MTUS2: variants seen among roughly 807,000 people sequenced by gnomAD.
MTUS2 encodes the protein microtubule-associated tumor suppressor candidate 2.
A neutral mutation model predicts 114.1 loss-of-function variants in MTUS2; 40 were observed. The observed-to-expected ratio is 0.35, with a 90% CI of 0.27 to 0.46. The LOEUF is 0.46. MTUS2 is among the 20% of genes least tolerant of loss of function. The pLI is 1.00. For synonymous variants in MTUS2, 688 were observed against 672.0 expected, an observed-to-expected ratio of 1.02 and a Z score of -0.37; for missense variants, 1,679 against 1,705.4, an observed-to-expected ratio of 0.98 and a Z score of 0.27.
At chr13:29,131,814 A>G (rs1340415825) in intron 5 of MTUS2, among the ~76,000 whole-genome samples, 1 of 152,216 alleles carries the variant, frequency 6.6e-6, no homozygotes, top group Admixed American at 6.5e-5. Context: ...TTTGGAAAAC[A>G]CCAGTTTGTT....
intron 5 of MTUS2, among the ~76,000 whole-genome samples, chr13:29,189,447 T>C (rs914406234): frequency 6.6e-6 from 1 of 152,130 alleles, no homozygotes. Flanking sequence ...ATTAGGGCTG[T>C]AAAGCTATCT....
chr13:29,176,813 C>T (rs1316595154), intron 5 of MTUS2, among the ~76,000 whole-genome samples: 2 of 150,886 alleles, frequency 1.3e-5, no homozygotes, highest in Admixed American at 6.6e-5. Context: ...CTTCGTGAGG[C>T]TTGGCCATCT....
chr13:29,157,021 C>A (rs1434162839), intron 5 of MTUS2, among the ~76,000 whole-genome samples: 7 of 152,198 alleles, frequency 4.6e-5, no homozygotes, highest in African/African-American at 1.7e-4. Flanking sequence ...TCTCCTGTAA[C>A]TCGTTCAACA....
At chr13:29,340,585 C>T (rs143739051) in intron 7 of MTUS2, among the ~76,000 whole-genome samples, 4 of 152,124 alleles carry the variant, frequency 2.6e-5, no homozygotes. Flanking sequence ...TTCCAGCCTT[C>T]GTACATTCAT....
chr13:29,278,646 G>A (rs886426868), intron 5 of MTUS2, among the ~76,000 whole-genome samples: 1 of 152,160 alleles, frequency 6.6e-6, no homozygotes, highest in Non-Finnish European at 1.5e-5. Flanking sequence ...AATGTGAATC[G>A]CAACAAGCAA....
At chr13:29,088,233 ACC>A (rs1292388196) in intron 4 of MTUS2, among the ~76,000 whole-genome samples, 1 of 152,142 alleles carries the variant, frequency 6.6e-6, no homozygotes, top group Non-Finnish European at 1.5e-5. Context: ...TTTATTTTTT[ACC>A]CAAGTCATTC....
intron 8 of MTUS2, among the ~76,000 whole-genome samples, chr13:29,380,559 C>T (rs1000442824): frequency 9.2e-5 from 14 of 152,168 alleles, no homozygotes; most frequent in African/African-American, 2.9e-4. Context: ...AATTGTTCAG[C>T]TAGAAGAAGG....
chr13:28,990,269 G>A lies in MTUS2; in HGVS notation c.-242-34188G>A, dbSNP rs1168534853. Among the ~76,000 whole-genome samples, 8 of 152,312 alleles carry A rather than the reference G, an allele frequency of 5.3e-5. No homozygotes were observed. The South Asian group carries it at 1.2e-3, about 24-fold the overall frequency. On this transcript the variant is annotated intron_variant, in intron 2 of 15. Transcript: ENST00000612955. ...ATTAGGGACAGAGTCTATGTGAGAGGATGGGGGATGGTATTGGCAAGTTCA... is the reference window on the plus strand; with the variant it reads ...ATTAGGGACAGAGTCTATGTGAGAGAATGGGGGATGGTATTGGCAAGTTCA...
chr13:29,035,685 G>A (rs1887028271), intron 4 of MTUS2, among the ~76,000 whole-genome samples: 1 of 151,976 alleles, frequency 6.6e-6, no homozygotes, highest in African/African-American at 2.4e-5. Context: ...TTTCACAAGA[G>A]ACTTAGATGG....
chr13:28,860,215 A>G (rs1472177750), intron 2 of MTUS2, among the ~76,000 whole-genome samples: 1 of 152,120 alleles, frequency 6.6e-6, no homozygotes, highest in Non-Finnish European at 1.5e-5. Context: ...TTTTTTCCTG[A>G]TAACTATTTT....
chr13:29,393,214 T>G (rs1165972890), intron 8 of MTUS2, among the ~76,000 whole-genome samples: 1 of 152,214 alleles, frequency 6.6e-6, no homozygotes, highest in Non-Finnish European at 1.5e-5. Flanking sequence ...CTACTGATTC[T>G]TAGGGTTCGC....
chr13:29,097,382 A>G (rs1890221844), intron 4 of MTUS2, among the ~76,000 whole-genome samples: 1 of 152,066 alleles, frequency 6.6e-6, no homozygotes, highest in South Asian at 2.1e-4. Context: ...GCCTCATGTC[A>G]CCATTTTGGA....
chr13:28,985,545 C>T (rs1047933252), intron 2 of MTUS2, among the ~76,000 whole-genome samples: 16 of 148,564 alleles, frequency 1.1e-4, no homozygotes, highest in East Asian at 9.8e-4. Context: ...TTTTAGCAAT[C>T]GAAGAAATGG....
intron 2 of MTUS2, among the ~76,000 whole-genome samples, chr13:28,904,987 T>G (rs1879896089): frequency 6.6e-6 from 1 of 151,462 alleles, no homozygotes; most frequent in Admixed American, 6.6e-5. Flanking sequence ...GTAAGTTGGA[T>G]TCGTAGGTAT....
Position 29,480,243 on chromosome 13 carries a change from A to C in MTUS2, c.3278A>C (p.Gln1093Pro). The C allele has an allele frequency of 6.4e-7, 1 of 1,553,290 alleles. No homozygotes were observed. The highest frequency in any genetic ancestry group is 8.7e-7 in the Non-Finnish European group (1 of 1,148,082). ...EDEVKRLGWQ[Q>P]QAELQELEER... ...GAGGTGAAGAGGCTGGGCTGGCAGC[A>C]GCAGGCCGAGCTCCAGGAGCTGGAG... is the stretch of plus-strand genomic sequence containing the variant. The change falls in exon 10 of 16, where the codon CAG becomes CCG. Residue 1093 changes from glutamine to proline, a missense_variant. This residue lies in a region of MTUS2 where 822 missense variants were observed against 899.7 expected (regional missense o/e 0.91). Coordinates refer to ENST00000612955, the MANE Select transcript of MTUS2 (RefSeq NM_001033602.4). This position sits in a 1 kb window ranked among gnomAD's most constrained non-coding sequence, Gnocchi z 4.4.
intron 2 of MTUS2, among the ~76,000 whole-genome samples, chr13:28,848,018 C>T (rs190330637): frequency 5.3e-5 from 8 of 152,268 alleles, no homozygotes; most frequent in Admixed American, 1.3e-4. Context: ...GATAATGCCC[C>T]GATTTCTTAG....
chr13:29,375,529 ATATATATACGTG>A lies in MTUS2; in HGVS notation c.3117+16065_3117+16076del, dbSNP rs1871547836. ...GCACCAGCCTACTATATATATATATATATATATACGTGTATATATATATATATACGTATATAT... is the reference window on the plus strand; with the variant it reads ...GCACCAGCCTACTATATATATATATATATATATATATATATACGTATATAT... On this transcript the variant is annotated intron_variant, in intron 8 of 15. Coordinates refer to ENST00000612955, the MANE Select transcript of MTUS2 (RefSeq NM_001033602.4). Among the ~76,000 whole-genome samples the A allele has an allele frequency of 1.1e-3, 7 of 6,498 alleles. 2 individuals carry two copies. Among genetic ancestry groups the A allele is most frequent in the Non-Finnish European group, 2.1e-3 (3 of 1,418 alleles). 4.3% of individuals were successfully genotyped at this position (6,498 alleles called of 152,430 possible).
chr13:29,419,691 G>C (rs1003899569), intron 8 of MTUS2, among the ~76,000 whole-genome samples: 6 of 152,188 alleles, frequency 3.9e-5, no homozygotes, highest in African/African-American at 1.4e-4. Context: ...ATGAAATTTT[G>C]TGTTTGAGTT....
In MTUS2 at chr13:29,005,691, C is replaced by T. The variant is rs182355045; in HGVS notation, c.-242-18766C>T. 4.5e-4 allele frequency among the ~76,000 whole-genome samples: 69 copies of T among 152,334 alleles called. 1 individual carries two copies. The South Asian group carries it at 6.8e-3, about 15-fold the overall frequency. ...CTGACTTTAGCACATGTGAACCAGG[C>T]ACATTTTTGTCTGTTGTTATTCTTT... On this transcript the variant is annotated intron_variant, in intron 2 of 15. Coordinates refer to ENST00000612955, the MANE Select transcript of MTUS2 (RefSeq NM_001033602.4).
Sources: allele counts gnomAD v4.1 joint callset (sites outside exome capture counted in the v4.1 genomes callset), GRCh38; gene constraint gnomAD v4.1.1; regional missense constraint gnomAD v4.1.1; non-coding constraint Gnocchi (gnomAD v3.1); transcripts MANE v1.5; gene names NCBI Gene and HGNC (gene_info 2026-07-23, HGNC 2026-07-21).